MTUS2: variants seen among roughly 807,000 people sequenced by gnomAD.
MTUS2 encodes microtubule-associated tumor suppressor candidate 2.
Under a neutral mutation model 114.1 loss-of-function variants are expected in MTUS2, and 40 were observed. That is an observed-to-expected ratio of 0.35 (90% CI 0.27 to 0.46). The LOEUF is 0.46. Among genes scored for constraint, MTUS2 ranks in the 20% least tolerant of loss-of-function variants. The pLI is 1.00. For missense variants in MTUS2, 1,679 were observed against 1,705.4 expected, an observed-to-expected ratio of 0.98 and a Z score of 0.27; for synonymous variants, 688 against 672.0, an observed-to-expected ratio of 1.02 and a Z score of -0.37.
chr13:28,913,413 A>G (rs1347327299), intron 2 of MTUS2, among the ~76,000 whole-genome samples: 1 of 152,074 alleles, frequency 6.6e-6, no homozygotes, highest in Non-Finnish European at 1.5e-5. Context: ...GATTTATTAC[A>G]TTTATTGATT....
chr13:29,022,733 C>T (rs760299416), intron 2 of MTUS2, among the ~76,000 whole-genome samples: 1 of 152,242 alleles, frequency 6.6e-6, no homozygotes, highest in Admixed American at 6.5e-5. Flanking sequence ...ATCCCCAGTG[C>T]CTAATAAAAT....
At chr13:29,353,646 C>T (rs1869487714) in intron 7 of MTUS2, among the ~76,000 whole-genome samples, 2 of 152,284 alleles carry the variant, frequency 1.3e-5, no homozygotes, top group South Asian at 4.1e-4. Context: ...TTATGTCACT[C>T]GGAAGGAGTC....
At chr13:29,180,981 G>T (rs928837566) in intron 5 of MTUS2, among the ~76,000 whole-genome samples, 1 of 151,472 alleles carries the variant, frequency 6.6e-6, no homozygotes, top group Non-Finnish European at 1.5e-5. Context: ...AGAATATCCT[G>T]AAAAAAAAAT....
At chr13:29,366,963 C>G (rs1870773731) in intron 8 of MTUS2, among the ~76,000 whole-genome samples, 1 of 152,122 alleles carries the variant, frequency 6.6e-6, no homozygotes, top group African/African-American at 2.4e-5. Context: ...ATCCCTCTGC[C>G]TCCTCCTTAA....
At position 29,492,660 on chromosome 13, in the gene MTUS2, C is replaced by T. The variant is rs775595131; in HGVS notation, c.3520C>T (p.His1174Tyr). 13 of 1,613,426 alleles carry T rather than the reference C, an allele frequency of 8.1e-6. No homozygotes were observed. Among genetic ancestry groups the T allele is most frequent in the Admixed American group, 1.7e-5 (1 of 59,990 alleles). Residue 1174 changes from histidine to tyrosine, a missense_variant, in exon 12 of 16, where the codon CAT (histidine) becomes TAT (tyrosine). Transcript: ENST00000612955. ...DHKVQELMST[H>Y]ELEKKELEEN... The stretch of plus-strand genomic sequence containing the variant: ...CTTCTTTCCAGAATTGATGTCCACT[C>T]ATGAGCTTGAAAAGAAAGAATTGGA...
Position 29,456,903 on chromosome 13 carries a change from T to C in MTUS2, c.3184+16854T>C, listed in dbSNP as rs575025783. On this transcript the variant is annotated intron_variant, in intron 9 of 15. Transcript: ENST00000612955. The stretch of plus-strand genomic sequence containing the variant: ...CTGTAATCCCAGCACTTTGGGAGGC[T>C]GAGGCGGGCGAATCACGAGGTCAGG... 6.5e-3 allele frequency among the ~76,000 whole-genome samples: 993 copies of C among 152,062 alleles called. 11 individuals are homozygous for C. The highest frequency in any genetic ancestry group is 0.022 in the African/African-American group (927 of 41,484).
At chr13:29,497,790 C>T (rs929112851) in intron 13 of MTUS2, 1 of 178,848 alleles carries the variant, frequency 5.6e-6, no homozygotes, top group African/African-American at 2.4e-5. Flanking sequence ...AAATACAGGA[C>T]ACCCAGTTAA....
In MTUS2 at chr13:29,505,793, T is replaced by A. The variant is rs1435795781; in HGVS notation, c.*2587T>A. The A allele has an allele frequency of 4.4e-6, 1 of 229,642 alleles. No homozygotes were observed. The highest frequency in any genetic ancestry group is 5.7e-5 in the Admixed American group (1 of 17,670). 14.2% of individuals were successfully genotyped at this position (229,642 alleles called of 1,614,324 possible). On this transcript the variant is annotated 3_prime_UTR_variant, in exon 16 of 16. Transcript: ENST00000612955. ...TGCCCACCACATGCTGGGACAAGGT[T>A]CTGGCTGGATGTCAGAATGGATGGG...
intron 5 of MTUS2, among the ~76,000 whole-genome samples, chr13:29,139,030 T>G (rs1892104035): frequency 6.6e-6 from 1 of 151,590 alleles, no homozygotes; most frequent in African/African-American, 2.4e-5. Context: ...AAGTTCAGTT[T>G]CCTCCTGTCT....
intron 5 of MTUS2, among the ~76,000 whole-genome samples, chr13:29,169,601 T>C (rs1389027796): frequency 1.3e-5 from 2 of 152,216 alleles, no homozygotes; most frequent in Non-Finnish European, 2.9e-5. Context: ...ATATGATATA[T>C]GTGTATATAT....
chr13:29,048,082 T>C (rs1342421568), intron 4 of MTUS2, among the ~76,000 whole-genome samples: 1 of 152,260 alleles, frequency 6.6e-6, no homozygotes, highest in Non-Finnish European at 1.5e-5. Flanking sequence ...TGTTTCACTT[T>C]TTGCCTACTA....
At chr13:29,305,700 C>T (rs1899418688) in intron 6 of MTUS2, among the ~76,000 whole-genome samples, 2 of 152,156 alleles carry the variant, frequency 1.3e-5, no homozygotes, top group Non-Finnish European at 2.9e-5. Context: ...CTAAATTCTA[C>T]TAGATGTACA....
At chr13:29,342,824 G>T (rs759920483) in intron 7 of MTUS2, among the ~76,000 whole-genome samples, 66 of 152,158 alleles carry the variant, frequency 4.3e-4, no homozygotes, top group Non-Finnish European at 7.8e-4. Context: ...TTACCTTAAA[G>T]TATGTCCTTT....
intron 2 of MTUS2, among the ~76,000 whole-genome samples, chr13:28,914,600 G>A (rs1381936473): frequency 6.6e-6 from 1 of 151,964 alleles, no homozygotes; most frequent in Admixed American, 6.6e-5. Flanking sequence ...TATTTATCAG[G>A]TCCACTTGAT....
intron 2 of MTUS2, among the ~76,000 whole-genome samples, chr13:29,016,385 C>CT (rs1430010197): frequency 1.3e-5 from 2 of 149,966 alleles, no homozygotes; most frequent in African/African-American, 4.9e-5. Context: ...GCTTGAAATG[C>CT]TTTTTGTTGG....
At position 29,420,491 on chromosome 13, in the gene MTUS2, T is replaced by C. The variant is rs532949826; in HGVS notation, c.3118-19492T>C. ...GAGGGTTTCACCATGTTGGCCAGGCTGGTTTCAAGCTCCTGACCTCAAGTG... is the reference window on the plus strand; with the variant it reads ...GAGGGTTTCACCATGTTGGCCAGGCCGGTTTCAAGCTCCTGACCTCAAGTG... On this transcript the variant is annotated intron_variant, in intron 8 of 15. Transcript: ENST00000612955. 2.0e-5 allele frequency among the ~76,000 whole-genome samples: 3 copies of C among 152,280 alleles called. No homozygotes were observed. The East Asian group carries it at 5.8e-4, about 29-fold the overall frequency.
chr13:29,356,592 A>C (rs760138691), intron 7 of MTUS2, among the ~76,000 whole-genome samples: 6 of 152,204 alleles, frequency 3.9e-5, no homozygotes, highest in African/African-American at 1.2e-4. Context: ...CAGACAGTAC[A>C]TCAGGGAATC....
At chr13:29,350,365 T>G (rs9508401) in intron 7 of MTUS2, among the ~76,000 whole-genome samples, 79,904 of 149,482 alleles carry the variant, frequency 0.53, 24,570 homozygotes, top group East Asian at 0.76. Flanking sequence ...TCCTTGCTGG[T>G]TATCAGTCAG....
At chr13:29,371,467 C>G (rs555123136) in intron 8 of MTUS2, among the ~76,000 whole-genome samples, 1 of 152,290 alleles carries the variant, frequency 6.6e-6, no homozygotes, top group Non-Finnish European at 1.5e-5. Context: ...ATCTGCTTGC[C>G]TCGGCCTTCC....
Sources: gnomAD v4.1 joint callset for allele counts (sites outside exome capture counted in the v4.1 genomes callset) on GRCh38, gnomAD v4.1.1 for gene constraint, MANE v1.5 for transcripts, NCBI Gene and HGNC (gene_info 2026-07-23, HGNC 2026-07-21) for gene names.